NPAS2: variants seen among roughly 807,000 people sequenced by gnomAD.
NPAS2 encodes neuronal PAS domain protein 2.
NPAS2 carries 23 observed loss-of-function variants against 107.5 expected under a neutral mutation model. That is an observed-to-expected ratio of 0.21 (90% CI 0.15 to 0.30). The LOEUF (loss-of-function observed/expected upper bound fraction) is 0.30, where lower values mean the gene tolerates loss of function less well. Ranked by LOEUF, NPAS2 falls within the 10% of genes least tolerant of loss-of-function variation. The pLI is 1.00. For missense variants in NPAS2, 756 were observed against 1,043.3 expected (o/e 0.72, Z 3.79); for synonymous variants, 403 against 417.5 (o/e 0.97, Z 0.42).
chr2:100,897,632 T>C (rs1009695809), intron 1 of NPAS2, among the ~76,000 whole-genome samples: 2 of 152,128 alleles, frequency 1.3e-5, no homozygotes, highest in Non-Finnish European at 2.9e-5. Context: ...TAGCATCTCA[T>C]CAAGGAGGTC....
intron 1 of NPAS2, among the ~76,000 whole-genome samples, chr2:100,822,370 T>C (rs1676123905): frequency 6.6e-6 from 1 of 152,204 alleles, no homozygotes; most frequent in East Asian, 1.9e-4. Flanking sequence ...CTTAAAACAG[T>C]TTGGGCCCTT....
chr2:100,904,709 T>A, intron 1 of NPAS2, 24 bp from the exon 2 acceptor site: 1 of 1,408,854 alleles, frequency 7.1e-7, no homozygotes, highest in South Asian at 1.2e-5. Flanking sequence ...CCATTCTTTT[T>A]AATTTTTTTT....
chr2:100,919,349 T>C (rs954392443), intron 2 of NPAS2, among the ~76,000 whole-genome samples: 7 of 152,038 alleles, frequency 4.6e-5, no homozygotes, highest in Non-Finnish European at 1.0e-4. Flanking sequence ...AAAGTCAGGC[T>C]CACTGTGTGT....
chr2:100,937,295 T>C (rs6542999), intron 4 of NPAS2, among the ~76,000 whole-genome samples: 2 of 152,178 alleles, frequency 1.3e-5, no homozygotes, highest in African/African-American at 2.4e-5. Flanking sequence ...ACAGGCACAC[T>C]TTCTGTTTTT....
In NPAS2 at chr2:100,904,937, C is replaced by T; in HGVS notation, c.32+151C>T. The T allele has an allele frequency of 6.2e-6, 4 of 642,330 alleles. No homozygotes were observed. The East Asian group carries it at 1.0e-4, about 17-fold the overall frequency. 39.8% of individuals were successfully genotyped at this position (642,330 alleles called of 1,614,324 possible). ...ACTCTCTGTGACATATTGCAGTGCT[C>T]CATGAGAAACCTTCTAGAGAGCTCA... On this transcript the variant is annotated intron_variant, in intron 2 of 20. Transcript: ENST00000335681.
At position 100,976,322 on chromosome 2, in the gene NPAS2, C is replaced by G. The variant is rs1035556727; in HGVS notation, c.1392+755C>G. ...CCGTCATTGACTTGCATGGGCCTCT[C>G]AAGCCTTAGGCTTCTCCTGGCATGG... is the stretch of plus-strand genomic sequence containing the variant. On this transcript the variant is annotated intron_variant, in intron 14 of 20. Transcript: ENST00000335681. The surrounding 1 kb of genome is among the most constrained non-coding windows in gnomAD (Gnocchi z 4.1). Among the ~76,000 whole-genome samples the G allele has an allele frequency of 6.6e-6, 1 of 152,056 alleles. No individual in the cohort carries two copies. The highest frequency in any genetic ancestry group is 2.4e-5 in the African/African-American group (1 of 41,392).
chr2:100,837,869 G>A (rs1677164125), intron 1 of NPAS2, among the ~76,000 whole-genome samples: 1 of 152,158 alleles, frequency 6.6e-6, no homozygotes, highest in South Asian at 2.1e-4. Context: ...AGAGAGGAGG[G>A]TCAGGGAATG....
chr2:100,858,900 T>C (rs1678754160), intron 1 of NPAS2, among the ~76,000 whole-genome samples: 1 of 152,202 alleles, frequency 6.6e-6, no homozygotes, highest in Non-Finnish European at 1.5e-5. Context: ...CAATAAGATA[T>C]TTAGTAAAAC....
chr2:100,819,028 G>A (rs527668643), upstream of NPAS2, among the ~76,000 whole-genome samples: 8 of 152,178 alleles, frequency 5.3e-5, no homozygotes, highest in African/African-American at 1.9e-4. The surrounding 1 kb of genome is among the most constrained non-coding windows in gnomAD (Gnocchi z 5.8). Context: ...GATTATTCCT[G>A]TACCTCTGCC....
intron 1 of NPAS2, among the ~76,000 whole-genome samples, chr2:100,898,583 A>G (rs575023809): frequency 1.9e-4 from 29 of 152,356 alleles, no homozygotes; most frequent in African/African-American, 6.7e-4. Context: ...TTGTTTAAAC[A>G]ACAGAGGAGT....
intron 12 of NPAS2, among the ~76,000 whole-genome samples, chr2:100,973,166 G>A (rs967558906): frequency 4.6e-5 from 7 of 151,576 alleles, no homozygotes; most frequent in East Asian, 1.9e-4. Flanking sequence ...GCAACAGAGC[G>A]AGACTCCGTC....
At chr2:100,857,701 G>C (rs78192869) in intron 1 of NPAS2, among the ~76,000 whole-genome samples, 3,275 of 152,332 alleles carry the variant, frequency 0.021, 61 homozygotes, top group South Asian at 0.033. Flanking sequence ...AACCTGGGCT[G>C]CATGACCACA....
chr2:100,960,410 A>G (rs1558913345), intron 7 of NPAS2, among the ~76,000 whole-genome samples: 1 of 151,800 alleles, frequency 6.6e-6, no homozygotes, highest in African/African-American at 2.4e-5. Context: ...TAAAAGTACA[A>G]AAATTAGCCT....
intron 14 of NPAS2, among the ~76,000 whole-genome samples, chr2:100,975,883 C>A (rs1015959235): frequency 1.3e-5 from 2 of 152,180 alleles, no homozygotes. Flanking sequence ...AATTAGGATT[C>A]TTCTGTTTTG....
At chr2:100,875,422 C>T (rs1304839031) in intron 1 of NPAS2, among the ~76,000 whole-genome samples, 2 of 151,208 alleles carry the variant, frequency 1.3e-5, no homozygotes, top group Admixed American at 6.6e-5. Flanking sequence ...TGTATTTTAC[C>T]ACAATTTTTA....
chr2:100,894,795 G>A (rs115579284), intron 1 of NPAS2, among the ~76,000 whole-genome samples: 1,533 of 152,312 alleles, frequency 0.01, 28 homozygotes, highest in African/African-American at 0.035. Flanking sequence ...TGGATGCTGG[G>A]TGCTGATCAC....
At chr2:100,898,942 A>G (rs1359770461) in intron 1 of NPAS2, among the ~76,000 whole-genome samples, 4 of 152,216 alleles carry the variant, frequency 2.6e-5, no homozygotes, top group Non-Finnish European at 5.9e-5. Context: ...TGACAGCATG[A>G]TGTGATAAGA....
chr2:100,871,373 C>T (rs938525609), intron 1 of NPAS2, among the ~76,000 whole-genome samples: 99 of 148,820 alleles, frequency 6.7e-4, no homozygotes, highest in African/African-American at 2.4e-3. Context: ...CTCTGTCACC[C>T]AGGCTGAAGT....
At chr2:100,866,098 C>T (rs1679233108) in intron 1 of NPAS2, among the ~76,000 whole-genome samples, 1 of 152,194 alleles carries the variant, frequency 6.6e-6, no homozygotes, top group South Asian at 2.1e-4. Context: ...TGTCTGGCCA[C>T]ACACTCTGCA....
Sources: allele counts gnomAD v4.1 joint callset (sites outside exome capture counted in the v4.1 genomes callset), GRCh38; gene constraint gnomAD v4.1.1; non-coding constraint Gnocchi (gnomAD v3.1); transcripts MANE v1.5; gene names NCBI Gene and HGNC (gene_info 2026-07-23, HGNC 2026-07-21).